NOX4: variants seen among roughly 807,000 people sequenced by gnomAD.
NOX4 encodes kidney oxidase-1.
In NOX4, 69 loss-of-function variants were observed where a neutral mutation model predicts 87.6. The ratio of observed to expected loss-of-function variants is 0.79; its 90% confidence interval spans 0.65 to 0.96. The LOEUF (loss-of-function observed/expected upper bound fraction) is 0.96, where lower values mean the gene tolerates loss of function less well. Ranked by LOEUF, NOX4 falls within the 40% of genes least tolerant of loss-of-function variation. NOX4 has a pLI of 0.00. For missense variants in NOX4, 680 were observed against 681.5 expected (o/e 1.00, Z 0.02); for synonymous variants, 275 against 238.2 (o/e 1.15, Z -1.42).
chr11:89,504,180 C>A, the NOX4 span, among the ~76,000 whole-genome samples: 1 of 151,642 alleles, frequency 6.6e-6, no homozygotes, highest in African/African-American at 2.4e-5. Flanking sequence ...ATAGCATGAG[C>A]AAATTCATTG....
At chr11:89,377,034 G>A (rs968914134) in intron 11 of NOX4, among the ~76,000 whole-genome samples, 1 of 152,106 alleles carries the variant, frequency 6.6e-6, no homozygotes, top group Non-Finnish European at 1.5e-5. Flanking sequence ...GTCCAGCCTG[G>A]GCGACACAGT....
intron 8 of NOX4, among the ~76,000 whole-genome samples, chr11:89,420,730 T>C (rs1232209090): frequency 6.6e-6 from 1 of 152,094 alleles, no homozygotes; most frequent in Non-Finnish European, 1.5e-5. Flanking sequence ...TAAACAAAGG[T>C]CTGAACCTTT....
At chr11:89,518,234 C>A in the NOX4 span, among the ~76,000 whole-genome samples, 6 of 151,792 alleles carry the variant, frequency 4.0e-5, no homozygotes, top group Non-Finnish European at 2.9e-5. Context: ...AGCATTCAAT[C>A]CAAACAAACT....
chr11:89,473,559 CAT>C (rs1946039129), intron 2 of NOX4, among the ~76,000 whole-genome samples: 1 of 151,966 alleles, frequency 6.6e-6, no homozygotes, highest in Admixed American at 6.6e-5. Flanking sequence ...TATTAAAACT[CAT>C]ATAGTGAATA....
chr11:89,487,447 T>C (rs1437639732), intron 2 of NOX4, among the ~76,000 whole-genome samples: 2 of 137,306 alleles, frequency 1.5e-5, no homozygotes, highest in Non-Finnish European at 3.1e-5. Context: ...CCTGTACTAG[T>C]ACAACTTTGT....
intron 13 of NOX4, among the ~76,000 whole-genome samples, chr11:89,343,882 G>A (rs1014887261): frequency 3.3e-5 from 5 of 151,922 alleles, no homozygotes; most frequent in African/African-American, 9.7e-5. Context: ...AAGAATAAGA[G>A]ATATCTTCCT....
At chr11:89,435,853 A>C (rs964893883) in intron 6 of NOX4, among the ~76,000 whole-genome samples, 11 of 152,268 alleles carry the variant, frequency 7.2e-5, no homozygotes, top group African/African-American at 1.9e-4. Context: ...AGATTTATAA[A>C]GTTATCTCTT....
chr11:89,395,444 T>G (rs1006751070), intron 11 of NOX4, among the ~76,000 whole-genome samples: 2 of 152,198 alleles, frequency 1.3e-5, no homozygotes, highest in Non-Finnish European at 2.9e-5. Flanking sequence ...TTTCTCCCAT[T>G]CTGTAGGTTG....
chr11:89,584,190 C>T, the NOX4 span, among the ~76,000 whole-genome samples: 3 of 152,068 alleles, frequency 2.0e-5, no homozygotes, highest in African/African-American at 4.8e-5. Flanking sequence ...TATTACTTTG[C>T]AATAAGAGAA....
chr11:89,499,952 T>G (rs1037834461), upstream of NOX4, among the ~76,000 whole-genome samples: 2 of 152,194 alleles, frequency 1.3e-5, no homozygotes, highest in Non-Finnish European at 2.9e-5. Context: ...GGAATAAGAT[T>G]CTATTAGAAA....
At chr11:89,480,313 A>T (rs1946341768) in intron 2 of NOX4, among the ~76,000 whole-genome samples, 1 of 152,140 alleles carries the variant, frequency 6.6e-6, no homozygotes, top group African/African-American at 2.4e-5. Context: ...CAGGGGAACA[A>T]TGTCATGGCA....
intron 11 of NOX4, among the ~76,000 whole-genome samples, chr11:89,393,033 T>C (rs140863930): frequency 6.9e-4 from 105 of 152,258 alleles, no homozygotes; most frequent in African/African-American, 2.4e-3. Context: ...GCCTCTAAAG[T>C]GCTGAAGACC....
chr11:89,576,324 G>A, the NOX4 span, among the ~76,000 whole-genome samples: 8 of 152,242 alleles, frequency 5.3e-5, no homozygotes, highest in South Asian at 4.2e-4. Context: ...TGTCCCTGGG[G>A]TACAAATATA....
the NOX4 span, among the ~76,000 whole-genome samples, chr11:89,530,630 T>G: frequency 2.6e-5 from 4 of 151,416 alleles, no homozygotes; most frequent in African/African-American, 9.7e-5. Flanking sequence ...CCTCCCAAAG[T>G]GTTGAGATTA....
At chr11:89,570,740 C>G in the NOX4 span, among the ~76,000 whole-genome samples, 1 of 152,084 alleles carries the variant, frequency 6.6e-6, no homozygotes, top group African/African-American at 2.4e-5. Flanking sequence ...AGTGGAGGAT[C>G]ACTGGAGCCT....
chr11:89,562,592 T>C, the NOX4 span, among the ~76,000 whole-genome samples: 1 of 152,322 alleles, frequency 6.6e-6, no homozygotes, highest in Non-Finnish European at 1.5e-5. Context: ...TTTCTGATAC[T>C]GGTTTTTCAT....
At chr11:89,386,903 G>A (rs1940750877) in intron 11 of NOX4, among the ~76,000 whole-genome samples, 1 of 152,028 alleles carries the variant, frequency 6.6e-6, no homozygotes, top group Non-Finnish European at 1.5e-5. Context: ...TGGACCTTGT[G>A]TCTTCTGTTT....
chr11:89,586,533 T>C, the NOX4 span, among the ~76,000 whole-genome samples: 2 of 152,154 alleles, frequency 1.3e-5, no homozygotes, highest in Non-Finnish European at 2.9e-5. Flanking sequence ...CATTTAAGTA[T>C]TCTTAGTGCT....
At chr11:89,354,487 G>C (rs920293425) in intron 13 of NOX4, among the ~76,000 whole-genome samples, 2 of 152,078 alleles carry the variant, frequency 1.3e-5, no homozygotes, top group African/African-American at 2.4e-5. Flanking sequence ...TTTTCAATAC[G>C]ATAAATAAGA....
Sources: allele counts gnomAD v4.1 joint callset (sites outside exome capture counted in the v4.1 genomes callset), GRCh38; gene constraint gnomAD v4.1.1; transcripts MANE v1.5; gene names NCBI Gene and HGNC (gene_info 2026-07-23, HGNC 2026-07-21).